The following DPP10 variants were observed in gnomAD, a reference collection of about 807,000 sequenced individuals.
The protein encoded by DPP10 is dipeptidyl peptidase like 10, also known as inactive dipeptidyl peptidase 10.
Under a neutral mutation model 120.9 loss-of-function variants are expected in DPP10, and 33 were observed. The observed-to-expected ratio is 0.27, with a 90% CI of 0.21 to 0.37. The LOEUF (loss-of-function observed/expected upper bound fraction) is 0.37. Ranked by LOEUF, DPP10 falls within the 10% of genes least tolerant of loss-of-function variation. The probability of loss-of-function intolerance (pLI) is 1.00; values close to 1 mark genes in which losing one functional copy is unlikely to be tolerated. For missense variants in DPP10, 816 were observed against 942.8 expected, an observed-to-expected ratio of 0.87 and a Z score of 1.76; for synonymous variants, 337 against 326.1, an observed-to-expected ratio of 1.03 and a Z score of -0.36.
At position 115,629,521 on chromosome 2, in the gene DPP10, G is replaced by A. The variant is rs2085662176; in HGVS notation, c.442-60166G>A. 3.9e-5 allele frequency among the ~76,000 whole-genome samples: 6 copies of A among 152,308 alleles called. No homozygotes were observed. The South Asian group carries it at 1.2e-3, about 32-fold the overall frequency. Reference sequence around the variant, plus strand: ...ATGATTGCCATTCTAACTGGTGTGAGATGGTATCTCATTGTGGTTGATTTG... The same window carrying A: ...ATGATTGCCATTCTAACTGGTGTGAAATGGTATCTCATTGTGGTTGATTTG... On this transcript the variant is annotated intron_variant, in intron 5 of 25. Coordinates refer to ENST00000410059, the MANE Select transcript of DPP10 (RefSeq NM_020868.6).
At chr2:115,180,835 CTATT>C (rs775057772) in intron 1 of DPP10, among the ~76,000 whole-genome samples, 4 of 152,130 alleles carry the variant, frequency 2.6e-5, no homozygotes, top group Admixed American at 2.0e-4. Context: ...ATGGAGGTAA[CTATT>C]TATAATGGAA....
chr2:114,506,793 G>A (rs1377453075), intron 1 of DPP10, among the ~76,000 whole-genome samples: 1 of 152,178 alleles, frequency 6.6e-6, no homozygotes, highest in African/African-American at 2.4e-5. Context: ...AGGCATCAGG[G>A]AAGTATCATG....
intron 3 of DPP10, among the ~76,000 whole-genome samples, chr2:115,425,337 G>A (rs1574806392): frequency 1.3e-5 from 2 of 152,112 alleles, no homozygotes; most frequent in African/African-American, 4.8e-5. Context: ...AAGTACTATT[G>A]TGTACTCTGC....
intron 1 of DPP10, among the ~76,000 whole-genome samples, chr2:114,961,287 C>T (rs931366625): frequency 2.6e-5 from 4 of 152,060 alleles, no homozygotes; most frequent in African/African-American, 9.7e-5. Flanking sequence ...CTCCCGACCT[C>T]AGGTGATCTG....
chr2:114,896,176 C>T lies in DPP10; in HGVS notation c.61-413063C>T, dbSNP rs548619142. Among the ~76,000 whole-genome samples the T allele has an allele frequency of 2.2e-3, 337 of 152,218 alleles. 4 individuals carry two copies. The highest frequency in any genetic ancestry group is 7.7e-3 in the African/African-American group (321 of 41,544). The stretch of plus-strand genomic sequence containing the variant: ...TTGAAGTCAGGTAGCGTGATGCCTC[C>T]GGCTTTGTTCTTTTGGCTTAGGATT... On this transcript the variant is annotated intron_variant, in intron 1 of 25. Transcript: ENST00000410059.
intron 5 of DPP10, among the ~76,000 whole-genome samples, chr2:115,632,160 AT>A (rs1252918666): frequency 6.6e-6 from 1 of 152,144 alleles, no homozygotes; most frequent in Non-Finnish European, 1.5e-5. Flanking sequence ...CTTTAGCATT[AT>A]GCAATGCCCT....
intron 5 of DPP10, among the ~76,000 whole-genome samples, chr2:115,602,990 A>G (rs1484688053): frequency 6.6e-6 from 1 of 152,178 alleles, no homozygotes; most frequent in Non-Finnish European, 1.5e-5. Context: ...CTTGATGCTT[A>G]TTGGCATGTT....
At chr2:115,518,162 C>A (rs925766772) in intron 4 of DPP10, among the ~76,000 whole-genome samples, 1 of 152,136 alleles carries the variant, frequency 6.6e-6, no homozygotes, top group Non-Finnish European at 1.5e-5. Context: ...GTCCCATGAC[C>A]TAAACACCTA....
At chr2:115,171,099 G>A (rs1015477898) in intron 1 of DPP10, among the ~76,000 whole-genome samples, 1 of 152,146 alleles carries the variant, frequency 6.6e-6, no homozygotes, top group Non-Finnish European at 1.5e-5. Context: ...AGTGGCTCGT[G>A]CCTGTAATCT....
At chr2:114,728,292 C>T (rs1676546735) in intron 1 of DPP10, among the ~76,000 whole-genome samples, 2 of 152,066 alleles carry the variant, frequency 1.3e-5, no homozygotes, top group South Asian at 4.1e-4. Context: ...GTCAAGATGC[C>T]CTGCTTATTC....
intron 19 of DPP10, among the ~76,000 whole-genome samples, chr2:115,808,143 A>G (rs562121041): frequency 6.6e-6 from 1 of 152,250 alleles, no homozygotes; most frequent in South Asian, 2.1e-4. Flanking sequence ...GCTGAGCAGC[A>G]TATACGTGTG....
chr2:115,537,988 G>C (rs1168003051), intron 5 of DPP10, among the ~76,000 whole-genome samples: 2 of 151,966 alleles, frequency 1.3e-5, no homozygotes, highest in African/African-American at 4.8e-5. Flanking sequence ...AGGGCTTAAG[G>C]CTTCCCCCAG....
intron 1 of DPP10, among the ~76,000 whole-genome samples, chr2:115,147,955 A>T (rs2104879689): frequency 6.6e-6 from 1 of 152,216 alleles, no homozygotes; most frequent in South Asian, 2.1e-4. Flanking sequence ...AGACTTGGCA[A>T]TTTGAGGAGA....
At chr2:115,778,706 C>T (rs941532891) in intron 15 of DPP10, among the ~76,000 whole-genome samples, 2 of 152,058 alleles carry the variant, frequency 1.3e-5, no homozygotes, top group Admixed American at 1.3e-4. Flanking sequence ...AGTAAAAATG[C>T]ATGCTTAAAG....
chr2:115,837,878 G>C (rs1689697609), intron 24 of DPP10, among the ~76,000 whole-genome samples: 1 of 151,352 alleles, frequency 6.6e-6, no homozygotes, highest in Admixed American at 6.6e-5. Context: ...TCATAGACCA[G>C]AGGAAGTTTA....
intron 1 of DPP10, among the ~76,000 whole-genome samples, chr2:114,455,735 T>TG (rs1373395616): frequency 2.0e-5 from 3 of 150,564 alleles, no homozygotes; most frequent in Non-Finnish European, 4.4e-5. Context: ...ATTTGTTTTT[T>TG]TTTTTTTTTA....
chr2:114,982,896 T>C (rs12995879), intron 1 of DPP10, among the ~76,000 whole-genome samples: 150,177 of 152,208 alleles, frequency 0.99, 74,115 homozygotes, highest in Non-Finnish European at 1. Context: ...TGTGAGCCAC[T>C]GCGCCCAGCC....
intron 3 of DPP10, among the ~76,000 whole-genome samples, chr2:115,356,536 T>A (rs1358005189): frequency 6.6e-6 from 1 of 152,106 alleles, no homozygotes; most frequent in Non-Finnish European, 1.5e-5. Flanking sequence ...CCTATTTGAA[T>A]ACCCTTACTT....
chr2:114,911,562 C>T (rs1247662490), intron 1 of DPP10, among the ~76,000 whole-genome samples: 4 of 152,092 alleles, frequency 2.6e-5, no homozygotes, highest in Non-Finnish European at 5.9e-5. Flanking sequence ...ACTTTGGATA[C>T]AGTTTTCAGA....
Sources: allele counts gnomAD v4.1 joint callset (sites outside exome capture counted in the v4.1 genomes callset), GRCh38; gene constraint gnomAD v4.1.1; transcripts MANE v1.5; gene names NCBI Gene and HGNC (gene_info 2026-07-23, HGNC 2026-07-21).